CSK: variants seen among roughly 807,000 people sequenced by gnomAD.
CSK encodes the protein tyrosine-protein kinase CSK.
A neutral mutation model predicts 62.3 loss-of-function variants in CSK; 7 were observed. The observed-to-expected ratio is 0.11, with a 90% CI of 0.06 to 0.21. The LOEUF is 0.21. CSK is among the 10% of genes least tolerant of loss of function. The pLI, the probability that CSK is intolerant of heterozygous loss-of-function variation, is 1.00. For missense variants in CSK, 294 were observed against 613.5 expected (o/e 0.48, Z 5.50); for synonymous variants, 237 against 246.0 (o/e 0.96, Z 0.34).
intron 1 of CSK, among the ~76,000 whole-genome samples, chr15:74,796,110 C>G (rs2063701177): frequency 6.6e-6 from 1 of 152,002 alleles, no homozygotes; most frequent in Non-Finnish European, 1.5e-5. Flanking sequence ...CCCAGCTACT[C>G]AGGTGGTCAA....
chr15:74,784,263 C>T (rs775571453), intron 1 of CSK, among the ~76,000 whole-genome samples: 3 of 151,976 alleles, frequency 2.0e-5, no homozygotes, highest in Non-Finnish European at 4.4e-5. Flanking sequence ...GTGGAGGGGA[C>T]CCAGATGTCC....
At chr15:74,786,000 C>CTTTTTTTTTTTTTTTTTTTTTTTTTT (rs1232728038) in intron 1 of CSK, among the ~76,000 whole-genome samples, 1 of 59,938 alleles carries the variant, frequency 1.7e-5, no homozygotes, top group Non-Finnish European at 3.6e-5. Flanking sequence ...CTCTCTCTCT[C>CTTTTTTTTTTTTTTTTTTTTTTTTTT]TCTTTTTTTT....
In CSK at chr15:74,782,094, C is replaced by G. The variant is rs1182621368; in HGVS notation, c.-692C>G. On this transcript the variant is annotated 5_prime_UTR_variant, in exon 1 of 13. Coordinates refer to ENST00000220003, the MANE Select transcript of CSK (RefSeq NM_004383.3). This position sits in a 1 kb window ranked among gnomAD's most constrained non-coding sequence, Gnocchi z 5.7. Reference sequence around the variant, plus strand: ...CCGCGGGCGGAGGATCCGGGCCGCGCTTCCTCTCGCCAGGCCTGCGAGCTT... The same window carrying G: ...CCGCGGGCGGAGGATCCGGGCCGCGGTTCCTCTCGCCAGGCCTGCGAGCTT... The G allele has an allele frequency of 6.8e-6, 1 of 148,056 alleles. No individual in the cohort carries two copies. Among genetic ancestry groups the G allele is most frequent in the East Asian group, 2.0e-4 (1 of 5,128 alleles). 9.2% of individuals were successfully genotyped at this position (148,056 alleles called of 1,614,324 possible).
intron 9 of CSK, 80 bp downstream of exon 9, chr15:74,801,182 T>C (rs2063787161): frequency 1.3e-6 from 2 of 1,514,066 alleles, no homozygotes; most frequent in Non-Finnish European, 1.8e-6. Flanking sequence ...CCCTGCTCCC[T>C]CAGTCCCCCG....
At chr15:74,787,350 G>GT (rs1491353086) in intron 1 of CSK, among the ~76,000 whole-genome samples, 1 of 152,142 alleles carries the variant, frequency 6.6e-6, no homozygotes, top group African/African-American at 2.4e-5. Context: ...TACTCCACCA[G>GT]TTGGGGGGGT....
At chr15:74,800,769 G>T (rs1048526687) in intron 7 of CSK, 23 bp downstream of exon 7, 9 of 1,585,196 alleles carry the variant, frequency 5.7e-6, no homozygotes, top group Non-Finnish European at 7.7e-6. Flanking sequence ...GGGCCCCCTG[G>T]GGGGGTTCTG....
At chr15:74,795,786 A>G (rs1567217342) in intron 1 of CSK, among the ~76,000 whole-genome samples, 1 of 152,008 alleles carries the variant, frequency 6.6e-6, no homozygotes, top group Non-Finnish European at 1.5e-5. Flanking sequence ...TTAACTTTTG[A>G]CTCCTCAAAA....
In CSK at chr15:74,792,830, G is replaced by A. The variant is rs538379672; in HGVS notation, c.-65-5403G>A. Among the ~76,000 whole-genome samples the A allele has an allele frequency of 3.3e-5, 5 of 152,360 alleles. No homozygotes were observed. In the South Asian group the frequency reaches 6.2e-4, roughly 19 times the overall value. ...CCCAGCACAAGGGCTACTGGGAGCC[G>A]GGTTTGGGGCAGGAAGTCAGCGTGA... is the stretch of plus-strand genomic sequence containing the variant. On this transcript the variant is annotated intron_variant, in intron 1 of 12. Transcript: ENST00000220003.
At chr15:74,783,237 C>T (rs1390802464) in intron 1 of CSK, among the ~76,000 whole-genome samples, 1 of 152,238 alleles carries the variant, frequency 6.6e-6, no homozygotes, top group Non-Finnish European at 1.5e-5. Flanking sequence ...CACCCTTGGC[C>T]TCTCAGAAGA....
chr15:74,790,033 G>A (rs990401777), intron 1 of CSK, among the ~76,000 whole-genome samples: 1 of 152,222 alleles, frequency 6.6e-6, no homozygotes, highest in Admixed American at 6.5e-5. Context: ...ATGGCTCTGG[G>A]CACACAGGAA....
chr15:74,799,222 A>T (rs1014921519), intron 4 of CSK, 50 bp from the exon 5 acceptor site: 43 of 1,552,678 alleles, frequency 2.8e-5, no homozygotes, highest in Non-Finnish European at 3.5e-5. Context: ...AAGGGGAGCC[A>T]GGGTCAGTAC....
Position 74,801,992 on chromosome 15 carries a change from G to A in CSK, c.1084-5G>A, listed in dbSNP as rs576987579. ...CTGACGCTGCTTCTTCCATCCACAT[G>A]GCAGAAATTCTCCACTAAGTCTGAC... On this transcript the variant is annotated splice_region_variant and splice_polypyrimidine_tract_variant and intron_variant, in intron 11 of 12. Transcript: ENST00000220003. 7.1e-5 allele frequency: 114 copies of A among 1,613,714 alleles called. 1 individual carries two copies. In the South Asian group the frequency reaches 1.2e-3, roughly 16 times the overall value.
In CSK at chr15:74,799,452, C is replaced by T. The variant is rs761403329; in HGVS notation, c.423C>T (p.Asp141=). ...ACCATGCCAGCAAGCTCAGCATCGA[C>T]GAGGAGGTGTACTTTGAGAACCTCA... is the stretch of plus-strand genomic sequence containing the variant. ...IMYHASKLSI[D]EEVYFENLMQ... Residue 141 remains aspartate, a synonymous_variant, in exon 5 of 13, where the codon GAC becomes GAT. Coordinates refer to ENST00000220003, the MANE Select transcript of CSK (RefSeq NM_004383.3). 27 of 1,613,316 alleles carry T rather than the reference C, an allele frequency of 1.7e-5. No homozygotes were observed. In the Admixed American group the frequency reaches 4.0e-4, roughly 24 times the overall value.
intron 1 of CSK, among the ~76,000 whole-genome samples, chr15:74,783,158 G>A (rs2063463437): frequency 6.9e-6 from 1 of 145,700 alleles, no homozygotes; most frequent in Non-Finnish European, 1.5e-5. Flanking sequence ...CCTGCGGGCT[G>A]CAAGCAAGCC....
At chr15:74,790,325 C>A (rs2063599786) in intron 1 of CSK, among the ~76,000 whole-genome samples, 1 of 152,220 alleles carries the variant, frequency 6.6e-6, no homozygotes, top group African/African-American at 2.4e-5. Flanking sequence ...CCCTTGACCT[C>A]CCCTGGCCCT....
intron 1 of CSK, among the ~76,000 whole-genome samples, chr15:74,789,220 G>T (rs1384694294): frequency 1.3e-5 from 2 of 152,246 alleles, no homozygotes; most frequent in Non-Finnish European, 2.9e-5. Flanking sequence ...CCCGGGATGG[G>T]GGTAGGGCAG....
At chr15:74,792,669 G>A (rs2063641093) in intron 1 of CSK, among the ~76,000 whole-genome samples, 1 of 152,252 alleles carries the variant, frequency 6.6e-6, no homozygotes, top group African/African-American at 2.4e-5. Context: ...CTGACCTGCA[G>A]TGGGAGGGTC....
At position 74,800,394 on chromosome 15, in the gene CSK, G is replaced by A. The variant is rs760496691; in HGVS notation, c.463-18G>A. 10 of 1,611,446 alleles carry A rather than the reference G, an allele frequency of 6.2e-6. No individual in the cohort carries two copies. The Admixed American group carries it at 1.5e-4, about 24-fold the overall frequency. ...ACCTTGGGCTGTCTCTGAGCACCCT[G>A]CCCCCCACACCCTGCAGCACTACAC... On this transcript the variant is annotated intron_variant, in intron 5 of 12. Coordinates refer to ENST00000220003, the MANE Select transcript of CSK (RefSeq NM_004383.3).
At chr15:74,789,311 G>T (rs1169897754) in intron 1 of CSK, among the ~76,000 whole-genome samples, 1 of 152,200 alleles carries the variant, frequency 6.6e-6, no homozygotes, top group Non-Finnish European at 1.5e-5. Context: ...AGACCCTGGC[G>T]CCCAATTCTG....
Sources: gnomAD v4.1 joint callset for allele counts (sites outside exome capture counted in the v4.1 genomes callset) on GRCh38, gnomAD v4.1.1 for gene constraint, Gnocchi (gnomAD v3.1) non-coding constraint, MANE v1.5 for transcripts, NCBI Gene and HGNC (gene_info 2026-07-23, HGNC 2026-07-21) for gene names.